TBC1D21: variants seen among roughly 807,000 people sequenced by gnomAD.
The protein encoded by TBC1D21 is TBC1 domain family member 21.
In TBC1D21, 38 loss-of-function variants were observed where a neutral mutation model predicts 46.0. The ratio of observed to expected loss-of-function variants is 0.83; its 90% CI spans 0.64 to 1.08. TBC1D21 has a LOEUF of 1.08. Ranked by LOEUF, TBC1D21 falls within the 50% of genes least tolerant of loss-of-function variation. The pLI, the probability that TBC1D21 is intolerant of heterozygous loss-of-function variation, is 0.00. For missense variants in TBC1D21, 415 were observed against 417.9 expected (o/e 0.99, Z 0.06); for synonymous variants, 151 against 157.2 (o/e 0.96, Z 0.29).
At position 73,887,697 on chromosome 15, in the gene TBC1D21, G is replaced by A; in HGVS notation, c.855G>A (p.Gln285=). 4.3e-6 allele frequency: 7 copies of A among 1,613,962 alleles called. No homozygotes were observed. The highest frequency in any genetic ancestry group is 5.9e-6 in the Non-Finnish European group (7 of 1,179,922). Residue 285 remains glutamine, a synonymous_variant, in exon 9 of 11, where the codon CAG becomes CAA. Coordinates refer to ENST00000300504, the MANE Select transcript of TBC1D21 (RefSeq NM_153356.3). ...AYSMLQMVRE[Q]VLQESMGGDD... ...GCATGCTGCAGATGGTGCGGGAGCA[G>A]GTGCTGCAGGAAAGCATGGGCGGGG... is the stretch of plus-strand genomic sequence containing the variant.
rs2068296353 is a variant in TBC1D21, at chr15:73,888,571, TC to T, written c.978+60del. On this transcript the variant is annotated intron_variant, in intron 10 of 10. Transcript: ENST00000300504. ...CTCTTCCTCCTCCTCCTCTTCCTCC[TC>T]CTCCTCCTCTTCCTCCTCCTCCTCC... is the stretch of plus-strand genomic sequence containing the variant. 5 of 1,178,736 alleles carry T rather than the reference TC, an allele frequency of 4.2e-6. No homozygotes were observed. In the African/African-American group the frequency reaches 7.1e-5, roughly 17 times the overall value. 73.0% of individuals were successfully genotyped at this position (1,178,736 alleles called of 1,614,324 possible).
intron 1 of TBC1D21, among the ~76,000 whole-genome samples, chr15:73,879,542 A>G (rs746403167): frequency 6.6e-6 from 1 of 151,684 alleles, no homozygotes; most frequent in Non-Finnish European, 1.5e-5. Context: ...ATACTTTACT[A>G]CTCATGTGGT....
At chr15:73,884,913 T>A (rs760229844) in intron 5 of TBC1D21, 22 bp downstream of exon 5, 1 of 1,611,912 alleles carries the variant, frequency 6.2e-7, no homozygotes, top group Non-Finnish European at 8.5e-7. Context: ...CCTCCCCTTG[T>A]CAATGCCCTC....
the TBC1D21 span, among the ~76,000 whole-genome samples, chr15:73,901,176 G>A: frequency 6.6e-6 from 1 of 152,188 alleles, no homozygotes; most frequent in Non-Finnish European, 1.5e-5. Context: ...GGTGAGCATG[G>A]CCGAGGGCTC....
intron 1 of TBC1D21, among the ~76,000 whole-genome samples, chr15:73,880,744 TG>T (rs2141560505): frequency 6.6e-6 from 1 of 152,324 alleles, no homozygotes; most frequent in East Asian, 1.9e-4. Flanking sequence ...CACTCCAGCC[TG>T]GCGACAGAGT....
At chr15:73,884,953 T>C in intron 5 of TBC1D21, 50 bp from the exon 6 acceptor site, 4 of 1,605,488 alleles carry the variant, frequency 2.5e-6, no homozygotes, top group Non-Finnish European at 2.6e-6. Context: ...AAGCCAAGGG[T>C]CCAGGCTCTC....
intron 8 of TBC1D21, among the ~76,000 whole-genome samples, chr15:73,887,266 T>C (rs1366298503): frequency 6.6e-6 from 1 of 152,182 alleles, no homozygotes; most frequent in Non-Finnish European, 1.5e-5. Context: ...CTTGGGTCAT[T>C]TAATTCCCAT....
chr15:73,900,615 G>T, the TBC1D21 span, among the ~76,000 whole-genome samples: 1 of 152,180 alleles, frequency 6.6e-6, no homozygotes, highest in African/African-American at 2.4e-5. Context: ...CTCAGGCCCA[G>T]GCACAAAGCC....
At chr15:73,889,029 A>G (rs2068312118) in intron 10 of TBC1D21, 40 bp from the exon 11 acceptor site, 1 of 1,611,604 alleles carries the variant, frequency 6.2e-7, no homozygotes, top group Admixed American at 1.7e-5. Flanking sequence ...TGAAAGGGAC[A>G]GACCAATGTC....
chr15:73,903,320 G>A, the TBC1D21 span, among the ~76,000 whole-genome samples: 1 of 152,134 alleles, frequency 6.6e-6, no homozygotes, highest in African/African-American at 2.4e-5. Context: ...GGAATATCAG[G>A]GGGATTCACA....
chr15:73,881,693 A>G lies in TBC1D21; in HGVS notation c.218A>G (p.Tyr73Cys). The change falls in exon 3 of 11, where the codon TAC becomes TGC. Residue 73 changes from tyrosine to cysteine, a missense_variant. Coordinates refer to ENST00000300504, the MANE Select transcript of TBC1D21 (RefSeq NM_153356.3). ...GAAGCCTGGAAATTCCTCACGGGCTACTTCTCATGGCAGAGTTCCCAGGAT... is the reference window on the plus strand; with the variant it reads ...GAAGCCTGGAAATTCCTCACGGGCTGCTTCTCATGGCAGAGTTCCCAGGAT... ...RTEAWKFLTG[Y>C]FSWQSSQDER... is the part of the protein sequence containing the mutation. The G allele has an allele frequency of 6.2e-7, 1 of 1,613,016 alleles. No individual in the cohort carries two copies. Among genetic ancestry groups the G allele is most frequent in the Non-Finnish European group, 8.5e-7 (1 of 1,179,754 alleles).
chr15:73,893,492 A>G (rs1445686178), downstream of TBC1D21, among the ~76,000 whole-genome samples: 1 of 152,154 alleles, frequency 6.6e-6, no homozygotes, highest in Non-Finnish European at 1.5e-5. Flanking sequence ...CTCTTCTTCT[A>G]AGCCTCTTCC....
chr15:73,895,848 T>C, the TBC1D21 span, among the ~76,000 whole-genome samples: 5 of 152,174 alleles, frequency 3.3e-5, no homozygotes, highest in African/African-American at 1.2e-4. Flanking sequence ...CTGAGAAATC[T>C]GCGCAAAGAT....
At chr15:73,889,233 A>G (rs2068315731), downstream of TBC1D21, 2 of 1,136,696 alleles carry the variant, frequency 1.8e-6, no homozygotes, top group Non-Finnish European at 1.3e-6. Flanking sequence ...GGTGGATGCT[A>G]TGTCTTTGAC....
chr15:73,903,917 G>A, the TBC1D21 span, among the ~76,000 whole-genome samples: 1 of 152,196 alleles, frequency 6.6e-6, no homozygotes, highest in Admixed American at 6.5e-5. Context: ...GTGTGGTGGT[G>A]TATGCCTGTA....
chr15:73,895,530 G>GT, the TBC1D21 span, among the ~76,000 whole-genome samples: 4 of 152,216 alleles, frequency 2.6e-5, no homozygotes, highest in Non-Finnish European at 5.9e-5. Context: ...TAGGGAGTTA[G>GT]TAAGAGCCAA....
intron 4 of TBC1D21, among the ~76,000 whole-genome samples, chr15:73,884,539 G>A (rs1304599570): frequency 1.3e-5 from 2 of 152,182 alleles, no homozygotes; most frequent in African/African-American, 2.4e-5. Context: ...AGAGAGGAAG[G>A]GTGGGGGAGG....
intron 10 of TBC1D21, 132 bp downstream of exon 10, chr15:73,888,645 T>G: frequency 3.0e-5 from 18 of 602,794 alleles, no homozygotes; most frequent in East Asian, 3.2e-5. Context: ...CCTCTTCTTC[T>G]TCCTCCTCCT....
intron 6 of TBC1D21, 109 bp downstream of exon 6, chr15:73,885,212 G>C (rs896590): frequency 0.69 from 684,510 of 993,268 alleles, 240,194 homozygotes; most frequent in South Asian, 0.75. Context: ...TTCCTTCCAG[G>C]CTTCTGGGTC....
Sources: allele counts gnomAD v4.1 joint callset (sites outside exome capture counted in the v4.1 genomes callset), GRCh38; gene constraint gnomAD v4.1.1; transcripts MANE v1.5; gene names NCBI Gene and HGNC (gene_info 2026-07-23, HGNC 2026-07-21).